UNC13B: variants seen among roughly 807,000 people sequenced by gnomAD.
UNC13B encodes protein unc-13 homolog B.
In UNC13B, 144 loss-of-function variants were observed where a neutral mutation model predicts 211.0. The observed-to-expected ratio is 0.68, with a 90% CI of 0.60 to 0.78. UNC13B has a LOEUF of 0.78. Ranked by LOEUF, UNC13B falls within the 30% of genes least tolerant of loss-of-function variation. UNC13B has a pLI of 0.00. For missense variants in UNC13B, 1,777 were observed against 2,002.0 expected (o/e 0.89, Z 2.14); for synonymous variants, 709 against 725.8 (o/e 0.98, Z 0.37).
Position 35,310,567 on chromosome 9 carries a change from C to G in UNC13B, c.9109C>G (p.Arg3037Gly). 4 of 1,614,044 alleles carry G rather than the reference C, an allele frequency of 2.5e-6. No homozygotes were observed. Among genetic ancestry groups the G allele is most frequent in the Non-Finnish European group, 3.4e-6 (4 of 1,180,008 alleles). ...GTATCACGAACAAGATGACGACCATCGGGAGACGGACTCGATTCATTCTTG... is the reference window on the plus strand; with the variant it reads ...GTATCACGAACAAGATGACGACCATGGGGAGACGGACTCGATTCATTCTTG... The part of the protein sequence containing the change: ...DQYHEQDDDH[R>G]ETDSIHSCHS... The change falls in exon 10 of 40, where the codon CGG (arginine) becomes GGG (glycine). Residue 3037 changes from arginine (R) to glycine (G), a missense_variant. Transcript: ENST00000635942.
chr9:35,296,875 T>G (rs1829387305), intron 8 of UNC13B, among the ~76,000 whole-genome samples: 1 of 152,156 alleles, frequency 6.6e-6, no homozygotes, highest in Admixed American at 6.5e-5. Context: ...ATGATCACAC[T>G]CAAGAAGTTT....
chr9:35,341,233 C>G (rs1831974428), intron 11 of UNC13B, among the ~76,000 whole-genome samples: 1 of 152,164 alleles, frequency 6.6e-6, no homozygotes, highest in Admixed American at 6.5e-5. Flanking sequence ...CCTAACTTCC[C>G]CTCCTTCTCT....
chr9:35,212,526 T>C (rs768729716), intron 1 of UNC13B, among the ~76,000 whole-genome samples: 1 of 152,148 alleles, frequency 6.6e-6, no homozygotes, highest in Non-Finnish European at 1.5e-5. Flanking sequence ...TGAGCTGAGA[T>C]TGTGCCACTG....
intron 10 of UNC13B, among the ~76,000 whole-genome samples, chr9:35,311,647 G>A (rs1830185343): frequency 6.6e-6 from 1 of 152,188 alleles, no homozygotes; most frequent in African/African-American, 2.4e-5. Flanking sequence ...GAGGAACTTA[G>A]GGAAAATCCC....
chr9:35,335,079 G>A (rs1270938643), intron 11 of UNC13B, among the ~76,000 whole-genome samples: 1 of 152,130 alleles, frequency 6.6e-6, no homozygotes, highest in Non-Finnish European at 1.5e-5. Flanking sequence ...GTATTACACG[G>A]CCCTAAGTAA....
At chr9:35,278,431 T>C (rs1017652043) in intron 7 of UNC13B, among the ~76,000 whole-genome samples, 7 of 152,124 alleles carry the variant, frequency 4.6e-5, no homozygotes, top group African/African-American at 1.7e-4. Flanking sequence ...TTTTACTTAT[T>C]TACCCAGGAC....
intron 24 of UNC13B, among the ~76,000 whole-genome samples, chr9:35,387,510 A>G (rs892024329): frequency 6.6e-6 from 1 of 152,096 alleles, no homozygotes; most frequent in Non-Finnish European, 1.5e-5. Context: ...CCTTTGTTTT[A>G]CTTGATACAT....
chr9:35,170,695 C>T (rs1055906614), intron 1 of UNC13B, among the ~76,000 whole-genome samples: 3 of 152,120 alleles, frequency 2.0e-5, no homozygotes, highest in Non-Finnish European at 4.4e-5. Flanking sequence ...TGGTCTTGAA[C>T]TCTTGGGCTC....
At chr9:35,397,088 G>A (rs751199057) in intron 28 of UNC13B, 79 bp from the exon 29 acceptor site, 3 of 1,604,522 alleles carry the variant, frequency 1.9e-6, no homozygotes, top group South Asian at 2.2e-5. Flanking sequence ...ACTCTTGCTG[G>A]TCAGAGCCTT....
At chr9:35,247,749 A>C (rs1175444929) in intron 6 of UNC13B, among the ~76,000 whole-genome samples, 1 of 152,138 alleles carries the variant, frequency 6.6e-6, no homozygotes, top group African/African-American at 2.4e-5. Context: ...TGCTGGATTC[A>C]GTTTGTCAGT....
intron 7 of UNC13B, among the ~76,000 whole-genome samples, chr9:35,294,055 A>C (rs1829227801): frequency 6.6e-6 from 1 of 150,882 alleles, no homozygotes; most frequent in African/African-American, 2.4e-5. Flanking sequence ...TATAAAACCC[A>C]CATGTTTGTG....
At chr9:35,165,165 A>G (rs1820967130) in intron 1 of UNC13B, among the ~76,000 whole-genome samples, 1 of 152,244 alleles carries the variant, frequency 6.6e-6, no homozygotes, top group African/African-American at 2.4e-5. Context: ...GACTGTTTAA[A>G]AAACTGTCTT....
At chr9:35,214,942 T>C (rs1824175710) in intron 1 of UNC13B, among the ~76,000 whole-genome samples, 1 of 152,230 alleles carries the variant, frequency 6.6e-6, no homozygotes, top group Non-Finnish European at 1.5e-5. Flanking sequence ...GTATCTCTAC[T>C]AACTTGAACA....
rs888294172 is a variant in UNC13B, at chr9:35,319,654, CT to C, written c.9414+5675del. Among the ~76,000 whole-genome samples the C allele has an allele frequency of 7.4e-5, 11 of 148,164 alleles. No individual in the cohort carries two copies. The South Asian group carries it at 8.6e-4, about 12-fold the overall frequency. On this transcript the variant is annotated intron_variant, in intron 11 of 39. Coordinates refer to ENST00000635942, the MANE Select transcript of UNC13B (RefSeq NM_001371189.2). ...TTTAGATGCCACTCATTTTTTAAAA[CT>C]TTTTTTTTTAATTTTATTTTTTTGA...
chr9:35,384,238 A>G lies in UNC13B; in HGVS notation c.10807-8A>G, dbSNP rs768949348. On this transcript the variant is annotated splice_polypyrimidine_tract_variant and splice_region_variant and intron_variant, in intron 21 of 39. Transcript: ENST00000635942. ...TTTTCTTCCCCTTTATTTGTTTCTC[A>G]CCCTCAGAAAGAGAGATTTGTAAAA... is the stretch of plus-strand genomic sequence containing the variant. 19 of 1,613,548 alleles carry G rather than the reference A, an allele frequency of 1.2e-5. No individual in the cohort carries two copies. In the Admixed American group the frequency reaches 2.8e-4, roughly 24 times the overall value.
chr9:35,376,735 GA>G (rs943630953), intron 15 of UNC13B, among the ~76,000 whole-genome samples: 35 of 152,320 alleles, frequency 2.3e-4, no homozygotes, highest in African/African-American at 7.2e-4. Flanking sequence ...AATGTCAAAT[GA>G]ATCTGGTAGA....
rs114480583 is a variant in UNC13B, at chr9:35,172,287, G to T, written c.22+9982G>T. On this transcript the variant is annotated intron_variant, in intron 1 of 39. Transcript: ENST00000635942. ...TTAATGATCAATTCAGGGCAATTAG[G>T]ATATCTGTCACCTCAAACATCTTTC... Among the ~76,000 whole-genome samples the T allele has an allele frequency of 9.4e-3, 1,428 of 152,034 alleles. 30 individuals carry two copies. The highest frequency in any genetic ancestry group is 0.033 in the African/African-American group (1,377 of 41,468).
In UNC13B at chr9:35,318,089, A is replaced by G. The variant is rs554121534; in HGVS notation, c.9414+4100A>G. Among the ~76,000 whole-genome samples, 13 of 152,284 alleles carry G rather than the reference A, an allele frequency of 8.5e-5. No homozygotes were observed. In the South Asian group the frequency reaches 1.9e-3, roughly 22 times the overall value. On this transcript the variant is annotated intron_variant, in intron 11 of 39. Coordinates refer to ENST00000635942, the MANE Select transcript of UNC13B (RefSeq NM_001371189.2). ...TCAGTCTCTCAAAAAGACTAGCTGA[A>G]AACAGTTGCCAAAGCTTGGAATCAT...
rs771019513 is a variant in UNC13B, at chr9:35,237,565, T to C, written c.271-138T>C. The C allele has an allele frequency of 1.4e-4, 139 of 1,012,108 alleles. 1 individual carries two copies. Among genetic ancestry groups the C allele is most frequent in the Non-Finnish European group, 2.8e-5 (19 of 687,324 alleles). The allele number at this position is 1,012,108 out of a possible 1,614,324, so 62.7% of individuals were successfully genotyped here. On this transcript the variant is annotated intron_variant, in intron 4 of 39. Transcript: ENST00000635942. ...CACATGCAGTGGAGGCAGGTGGTGA[T>C]AGTGGTGTGTTTGCCTTATCAGGAT...
Sources: gnomAD v4.1 joint callset for allele counts (sites outside exome capture counted in the v4.1 genomes callset) on GRCh38, gnomAD v4.1.1 for gene constraint, MANE v1.5 for transcripts, NCBI Gene and HGNC (gene_info 2026-07-23, HGNC 2026-07-21) for gene names.